LGR5: variants seen among roughly 807,000 people sequenced by gnomAD.
LGR5 encodes leucine-rich repeat-containing G protein-coupled receptor 5.
A neutral mutation model predicts 76.7 loss-of-function variants in LGR5; 54 were observed. The observed-to-expected ratio is 0.70, with a 90% CI of 0.57 to 0.88. The LOEUF (loss-of-function observed/expected upper bound fraction) is 0.88. Among genes scored for constraint, LGR5 ranks in the 40% least tolerant of loss-of-function variants. LGR5 has a pLI of 0.00. For synonymous variants in LGR5, 406 were observed against 421.9 expected (o/e 0.96, Z 0.46); for missense variants, 1,078 against 1,073.3 (o/e 1.00, Z -0.06).
chr12:71,546,553 C>T (rs956868153), intron 4 of LGR5, among the ~76,000 whole-genome samples: 7 of 152,094 alleles, frequency 4.6e-5, no homozygotes, highest in African/African-American at 1.7e-4. Context: ...TGGGGAGTCA[C>T]CAAGTTCTGC....
At chr12:71,467,042 T>C (rs1872895928) in intron 1 of LGR5, among the ~76,000 whole-genome samples, 1 of 152,090 alleles carries the variant, frequency 6.6e-6, no homozygotes, top group Non-Finnish European at 1.5e-5. Context: ...TCATCATTTA[T>C]AATCTGCCAG....
At position 71,440,060 on chromosome 12, in the gene LGR5, T is replaced by C. The variant is rs1565844362; in HGVS notation, c.-21T>C. On this transcript the variant is annotated 5_prime_UTR_variant, in exon 1 of 18. Transcript: ENST00000266674. This position sits in a 1 kb window ranked among gnomAD's most constrained non-coding sequence, Gnocchi z 5.3. ...CTGCTCTCCGCCCGCGTCCGGCTCGTGGCCCCCTACTTCGGGCACCATGGA... is the reference window on the plus strand; with the variant it reads ...CTGCTCTCCGCCCGCGTCCGGCTCGCGGCCCCCTACTTCGGGCACCATGGA... 1 of 1,597,904 alleles carries C rather than the reference T, an allele frequency of 6.3e-7. No homozygotes were observed.
rs145581463 is a variant in LGR5 at position 71,462,007 on chromosome 12, T to G, written c.212+21715T>G. 1.9e-4 allele frequency among the ~76,000 whole-genome samples: 29 copies of G among 152,320 alleles called. No homozygotes were observed. In the East Asian group the frequency reaches 5.0e-3, roughly 26 times the overall value. On this transcript the variant is annotated intron_variant, in intron 1 of 17. Transcript: ENST00000266674. The stretch of plus-strand genomic sequence containing the variant: ...TTTCATTATCTGTAAAATGGGTTAA[T>G]AGACCCTGTTATCTGTGCTTGACAC...
At chr12:71,545,597 T>C (rs894155049) in intron 4 of LGR5, among the ~76,000 whole-genome samples, 1 of 152,216 alleles carries the variant, frequency 6.6e-6, no homozygotes, top group African/African-American at 2.4e-5. Flanking sequence ...TTTGGCTTTT[T>C]TTTTTCTCCA....
chr12:71,515,452 C>T (rs1327180200), intron 2 of LGR5, among the ~76,000 whole-genome samples: 1 of 152,164 alleles, frequency 6.6e-6, no homozygotes, highest in Non-Finnish European at 1.5e-5. Flanking sequence ...AGAAATTTTA[C>T]ATTTAAATGA....
intron 8 of LGR5, 151 bp downstream of exon 8, chr12:71,562,003 A>T (rs1047770318): frequency 9.2e-6 from 4 of 432,992 alleles, no homozygotes; most frequent in South Asian, 1.7e-4. Context: ...GCATTTTGCC[A>T]GGTTCTAGCT....
intron 1 of LGR5, among the ~76,000 whole-genome samples, chr12:71,494,552 T>C (rs1443901783): frequency 1.3e-5 from 2 of 151,232 alleles, no homozygotes; most frequent in Non-Finnish European, 2.9e-5. Context: ...ACTTCCCCGT[T>C]GTGGCCACTG....
chr12:71,549,845 C>T (rs954551359), intron 4 of LGR5, among the ~76,000 whole-genome samples: 1 of 152,112 alleles, frequency 6.6e-6, no homozygotes, highest in East Asian at 1.9e-4. Context: ...TTAGAGTGTT[C>T]GATCTCTGAA....
chr12:71,456,943 C>A (rs1448369784), intron 1 of LGR5, among the ~76,000 whole-genome samples: 1 of 151,994 alleles, frequency 6.6e-6, no homozygotes, highest in Admixed American at 6.6e-5. Flanking sequence ...TTTATTGAAA[C>A]CCTAAAATTT....
At chr12:71,528,991 G>T (rs901681604) in intron 3 of LGR5, among the ~76,000 whole-genome samples, 1 of 152,146 alleles carries the variant, frequency 6.6e-6, no homozygotes, top group Non-Finnish European at 1.5e-5. Flanking sequence ...AACACATAGA[G>T]AATTATTTTG....
chr12:71,477,314 C>T (rs1873380115), intron 1 of LGR5, among the ~76,000 whole-genome samples: 2 of 151,898 alleles, frequency 1.3e-5, no homozygotes, highest in Admixed American at 1.3e-4. Flanking sequence ...CTAAACGGTG[C>T]AAATGGATGC....
At chr12:71,537,820 G>A (rs988364320) in intron 4 of LGR5, among the ~76,000 whole-genome samples, 1 of 152,062 alleles carries the variant, frequency 6.6e-6, no homozygotes, top group Non-Finnish European at 1.5e-5. Flanking sequence ...GATGAGAGTA[G>A]GACTCTGCCT....
At position 71,583,648 on chromosome 12, in the gene LGR5, C is replaced by T. The variant is rs1405804341; in HGVS notation, c.1638C>T (p.Gly546=). 3 of 1,606,544 alleles carry T rather than the reference C, an allele frequency of 1.9e-6. No homozygotes were observed. Among genetic ancestry groups the T allele is most frequent in the Non-Finnish European group, 2.6e-6 (3 of 1,174,880 alleles). ...TCTTTGCCTTCCTTGGACTTCTAGGCCCCTTCAAACCCTGTGAACACCTGC... is the reference window on the plus strand; with the variant it reads ...TCTTTGCCTTCCTTGGACTTCTAGGTCCCTTCAAACCCTGTGAACACCTGC... ...LHSVQCSPSP[G]PFKPCEHLLD... is the part of the protein sequence containing the mutation. The change falls in exon 18 of 18, where the codon GGC becomes GGT. Residue 546 remains glycine (G), a splice_region_variant and synonymous_variant. Transcript: ENST00000266674.
intron 17 of LGR5, 102 bp downstream of exon 17, chr12:71,582,641 C>T: frequency 1.2e-6 from 1 of 830,876 alleles, no homozygotes; most frequent in Non-Finnish European, 2.0e-6. Context: ...TCTGTGCCAA[C>T]TTTGCAGCTC....
chr12:71,567,278 A>T, intron 11 of LGR5: 97 of 222,354 alleles, frequency 4.4e-4, no homozygotes, highest in South Asian at 2.0e-3. Flanking sequence ...GCCAAAATCA[A>T]AAACTGAGAT....
chr12:71,444,559 A>C (rs1178128510), intron 1 of LGR5, among the ~76,000 whole-genome samples: 1 of 152,096 alleles, frequency 6.6e-6, no homozygotes, highest in Non-Finnish European at 1.5e-5. Flanking sequence ...CATGATCTTC[A>C]GTTTTTTTCT....
At chr12:71,467,010 T>G (rs993033749) in intron 1 of LGR5, among the ~76,000 whole-genome samples, 5 of 97,992 alleles carry the variant, frequency 5.1e-5, no homozygotes, top group African/African-American at 3.0e-4. Context: ...TGGACCAGGT[T>G]TTTTTTTTTT....
intron 3 of LGR5, among the ~76,000 whole-genome samples, chr12:71,532,663 A>G (rs7305156): frequency 1.8e-3 from 274 of 152,304 alleles, no homozygotes; most frequent in African/African-American, 6.4e-3. Flanking sequence ...CACCTTTTCA[A>G]CCAGATGATA....
intron 1 of LGR5, among the ~76,000 whole-genome samples, chr12:71,493,961 T>C (rs1446862079): frequency 4.2e-5 from 6 of 141,706 alleles, no homozygotes; most frequent in Non-Finnish European, 7.7e-5. Flanking sequence ...TTTTTTTTTT[T>C]GAGATGGAGT....
Sources: allele counts gnomAD v4.1 joint callset (sites outside exome capture counted in the v4.1 genomes callset), GRCh38; gene constraint gnomAD v4.1.1; non-coding constraint Gnocchi (gnomAD v3.1); transcripts MANE v1.5; gene names NCBI Gene and HGNC (gene_info 2026-07-23, HGNC 2026-07-21).